The following CTNNA3 variants were observed in gnomAD, a reference collection of about 807,000 sequenced individuals.
The protein encoded by CTNNA3 is catenin alpha-3.
A neutral mutation model predicts 95.7 loss-of-function variants in CTNNA3; 76 were observed. The ratio of observed to expected loss-of-function variants is 0.79; its 90% confidence interval spans 0.66 to 0.96. The LOEUF is 0.96. CTNNA3 is among the 40% of genes least tolerant of loss of function. The pLI, the probability that CTNNA3 is intolerant of heterozygous loss-of-function variation, is 0.00. For missense variants in CTNNA3, 1,191 were observed against 1,089.8 expected, an observed-to-expected ratio of 1.09 and a Z score of -1.31; for synonymous variants, 431 against 374.4, an observed-to-expected ratio of 1.15 and a Z score of -1.74.
chr10:67,504,084 A>G (rs1296687117), intron 5 of CTNNA3, among the ~76,000 whole-genome samples: 1 of 150,848 alleles, frequency 6.6e-6, no homozygotes, highest in Non-Finnish European at 1.5e-5. Flanking sequence ...GTGAACCCAG[A>G]AGGTGGAGCT....
At chr10:66,800,510 G>A (rs1841389514) in intron 7 of CTNNA3, among the ~76,000 whole-genome samples, 1 of 150,864 alleles carries the variant, frequency 6.6e-6, no homozygotes, top group Non-Finnish European at 1.5e-5. Context: ...AAATATTTGA[G>A]ACACTTATCT....
At chr10:66,508,327 T>C (rs4606369) in intron 11 of CTNNA3, among the ~76,000 whole-genome samples, 24,134 of 150,860 alleles carry the variant, frequency 0.16, 2,033 homozygotes, top group African/African-American at 0.19. Context: ...ATTGGGATCC[T>C]ATTTAGAAAC....
chr10:66,548,851 T>G (rs1351965521), intron 10 of CTNNA3, among the ~76,000 whole-genome samples: 1 of 152,030 alleles, frequency 6.6e-6, no homozygotes, highest in African/African-American at 2.4e-5. Flanking sequence ...CTATTGGATT[T>G]TTTTGCTAAT....
At chr10:66,136,901 A>C (rs2083385111) in intron 13 of CTNNA3, among the ~76,000 whole-genome samples, 2 of 152,000 alleles carry the variant, frequency 1.3e-5, no homozygotes, top group Non-Finnish European at 2.9e-5. Context: ...AGCTCACTGC[A>C]ACCTCCACCT....
At chr10:65,981,617 C>G (rs930516820) in intron 16 of CTNNA3, among the ~76,000 whole-genome samples, 1 of 151,898 alleles carries the variant, frequency 6.6e-6, no homozygotes, top group African/African-American at 2.4e-5. Context: ...GCCATAGTCA[C>G]CAAAACAGCA....
chr10:66,015,486 A>C (rs2079077282), intron 15 of CTNNA3, among the ~76,000 whole-genome samples: 1 of 152,182 alleles, frequency 6.6e-6, no homozygotes, highest in Admixed American at 6.5e-5. Context: ...ATGTATTGTC[A>C]ATAAGTGCTT....
intron 5 of CTNNA3, among the ~76,000 whole-genome samples, chr10:67,431,429 T>C (rs575635259): frequency 6.6e-6 from 1 of 152,138 alleles, no homozygotes; most frequent in East Asian, 1.9e-4. Context: ...TATTTAGTCC[T>C]TCTAACAAAC....
At chr10:67,568,179 T>C (rs985850998) in intron 3 of CTNNA3, among the ~76,000 whole-genome samples, 2 of 151,868 alleles carry the variant, frequency 1.3e-5, no homozygotes, top group African/African-American at 2.4e-5. Context: ...TCTCTCTTTC[T>C]ACATTTTCAT....
rs1351207870 is a variant in CTNNA3 at position 66,775,512 on chromosome 10, CT to C, written c.1059del (p.Glu354LysfsTer6). 3 of 1,606,742 alleles carry C rather than the reference CT, an allele frequency of 1.9e-6. No homozygotes were observed. The highest frequency in any genetic ancestry group is 1.7e-5 in the Admixed American group (1 of 59,022). On this transcript the variant is annotated frameshift_variant, in exon 8 of 18. Transcript: ENST00000433211. LOFTEE classifies it high-confidence loss of function. Reference protein sequence around the residue: ...LSEYMNNAGKKERSNTLNIAL... With the variant: ...LSEYMNNAGKXERSNTLNIAL... ...GCAATATTCAGGGTATTACTCCTTT[CT>C]TTTTTTCCAGCCTGCAAAGAAGAAA...
intron 7 of CTNNA3, among the ~76,000 whole-genome samples, chr10:66,952,976 G>A (rs1169206756): frequency 6.6e-6 from 1 of 151,990 alleles, no homozygotes; most frequent in Admixed American, 6.6e-5. Context: ...CCTCCAAGTA[G>A]TTTTCAAAAA....
intron 5 of CTNNA3, among the ~76,000 whole-genome samples, chr10:67,258,999 T>C (rs867321229): frequency 3.3e-5 from 5 of 152,218 alleles, no homozygotes; most frequent in African/African-American, 9.6e-5. Flanking sequence ...ATAATGTAAC[T>C]ACTATGTAAA....
intron 15 of CTNNA3, 76 bp downstream of exon 15, chr10:66,069,232 G>A: frequency 7.0e-7 from 1 of 1,432,406 alleles, no homozygotes. Context: ...GACACTCAGA[G>A]AATCTTGAGG....
chr10:66,462,901 T>G (rs535647668), intron 11 of CTNNA3, among the ~76,000 whole-genome samples: 17 of 152,130 alleles, frequency 1.1e-4, no homozygotes, highest in Non-Finnish European at 2.4e-4. Flanking sequence ...CCTATAAACC[T>G]TTTTATTTTC....
chr10:66,439,155 C>G (rs2131779944), intron 11 of CTNNA3, among the ~76,000 whole-genome samples: 1 of 152,230 alleles, frequency 6.6e-6, no homozygotes, highest in African/African-American at 2.4e-5. Context: ...TTCTATTCCT[C>G]ATGATACACA....
intron 7 of CTNNA3, among the ~76,000 whole-genome samples, chr10:66,880,178 G>T (rs1334975148): frequency 2.0e-5 from 3 of 152,078 alleles, no homozygotes; most frequent in Non-Finnish European, 4.4e-5. Flanking sequence ...TTGTGATAAT[G>T]CTCTGTGTTT....
intron 12 of CTNNA3, among the ~76,000 whole-genome samples, chr10:66,336,666 A>T (rs2092400032): frequency 6.6e-6 from 1 of 152,104 alleles, no homozygotes; most frequent in Non-Finnish European, 1.5e-5. Context: ...CTAATATTCC[A>T]AAAATTTCAC....
chr10:65,916,494 C>T lies in CTNNA3; in HGVS notation c.*3836G>A, dbSNP rs745809219. ...AGTCTCAGATCTTATTCCACTCATACTACCACTATACAAAAATCTGTAGCC... is the reference window on the plus strand; with the variant it reads ...AGTCTCAGATCTTATTCCACTCATATTACCACTATACAAAAATCTGTAGCC... On this transcript the variant is annotated 3_prime_UTR_variant, in exon 18 of 18. Transcript: ENST00000433211. 2 of 152,126 alleles carry T rather than the reference C, an allele frequency of 1.3e-5. No homozygotes were observed. Among genetic ancestry groups the T allele is most frequent in the Non-Finnish European group, 2.9e-5 (2 of 68,024 alleles). 9.4% of individuals were successfully genotyped at this position (152,126 alleles called of 1,614,324 possible).
At chr10:67,228,573 AC>A (rs1325440928) in intron 5 of CTNNA3, among the ~76,000 whole-genome samples, 2 of 152,220 alleles carry the variant, frequency 1.3e-5, no homozygotes, top group South Asian at 2.1e-4. Context: ...AGATCGTGCC[AC>A]TGCACTCCAG....
intron 6 of CTNNA3, among the ~76,000 whole-genome samples, chr10:67,200,093 A>G (rs1287603590): frequency 6.6e-6 from 1 of 152,170 alleles, no homozygotes; most frequent in Non-Finnish European, 1.5e-5. Flanking sequence ...AAGCAGGGGC[A>G]CATATCACAA....
Sources: gnomAD v4.1 joint callset for allele counts (sites outside exome capture counted in the v4.1 genomes callset) on GRCh38, gnomAD v4.1.1 for gene constraint, MANE v1.5 for transcripts, NCBI Gene and HGNC (gene_info 2026-07-23, HGNC 2026-07-21) for gene names.